OR2C1: variants seen among roughly 807,000 people sequenced by gnomAD.
The protein encoded by OR2C1 is olfactory receptor family 2 subfamily C member 1, also known as olfactory receptor 2C1.
For synonymous variants in OR2C1, 209 were observed against 167.3 expected (o/e 1.25, Z -1.92); for missense variants, 468 against 388.3 (o/e 1.21, Z -1.73).
chr16:3,352,455 T>C (rs558341948), upstream of OR2C1, among the ~76,000 whole-genome samples: 28 of 152,348 alleles, frequency 1.8e-4, no homozygotes, highest in East Asian at 5.2e-3. Flanking sequence ...TTAATGTTTT[T>C]AAATTTTAAT....
the OR2C1 span, among the ~76,000 whole-genome samples, chr16:3,345,763 C>T: frequency 2.7e-5 from 4 of 149,506 alleles, no homozygotes; most frequent in Non-Finnish European, 5.9e-5. Flanking sequence ...CTCTCGTTCT[C>T]TCTTTCTCTC....
the OR2C1 span, among the ~76,000 whole-genome samples, chr16:3,344,599 C>T: frequency 2.6e-5 from 4 of 152,012 alleles, no homozygotes; most frequent in East Asian, 1.9e-4. Context: ...TGGTGGCGGG[C>T]GCCTGTAGTC....
the OR2C1 span, among the ~76,000 whole-genome samples, chr16:3,342,953 G>A: frequency 3.3e-5 from 5 of 152,168 alleles, no homozygotes; most frequent in African/African-American, 1.2e-4. Context: ...GAATTATGCT[G>A]AGTGATAATA....
chr16:3,338,483 T>C, the OR2C1 span, among the ~76,000 whole-genome samples: 851 of 151,694 alleles, frequency 5.6e-3, 6 homozygotes, highest in African/African-American at 0.019. Context: ...TATGGAATTC[T>C]GATTCTCTTG....
chr16:3,356,648 G>T lies in OR2C1; in HGVS notation c.708G>T (p.Lys236Asn). ...LKIRSAEGRRKAFNTCLSHLL... is the reference protein window; with the variant it reads ...LKIRSAEGRRNAFNTCLSHLL... ...TCCGCTCTGCAGAGGGGAGGCGAAA[G>T]GCGTTCAATACGTGCCTCTCCCATC... The change falls in exon 1 of 1, where the codon AAG becomes AAT. Residue 236 changes from lysine to asparagine, a missense_variant. Physicochemically the swap from Lys to Asn is moderately conservative, Grantham distance 94. Transcript: ENST00000304936. The T allele has an allele frequency of 6.2e-7, 1 of 1,614,130 alleles. No homozygotes were observed. Among genetic ancestry groups the T allele is most frequent in the South Asian group, 1.1e-5 (1 of 91,080 alleles).
the OR2C1 span, among the ~76,000 whole-genome samples, chr16:3,331,032 A>G: frequency 1.2e-4 from 18 of 152,164 alleles, no homozygotes; most frequent in Admixed American, 2.6e-4. Context: ...ATTTCTCCAC[A>G]TCCTCTCCAG....
the OR2C1 span, among the ~76,000 whole-genome samples, chr16:3,334,208 G>A: frequency 6.0e-5 from 9 of 150,656 alleles, no homozygotes; most frequent in South Asian, 2.1e-4. Context: ...TGCAACTTCA[G>A]CTCACTGCAA....
chr16:3,355,686 A>G (rs1490476763), upstream of OR2C1, among the ~76,000 whole-genome samples: 1 of 151,434 alleles, frequency 6.6e-6, no homozygotes, highest in Non-Finnish European at 1.5e-5. Context: ...GGAGGCTGAG[A>G]CAAGAGGATT....
the OR2C1 span, among the ~76,000 whole-genome samples, chr16:3,329,946 G>C: frequency 1.3e-5 from 2 of 150,094 alleles, no homozygotes; most frequent in Non-Finnish European, 3.0e-5. Flanking sequence ...GTAGAGATGG[G>C]GTTTCACCAT....
At chr16:3,345,594 C>T in the OR2C1 span, among the ~76,000 whole-genome samples, 1 of 152,014 alleles carries the variant, frequency 6.6e-6, no homozygotes, top group Admixed American at 6.6e-5. Flanking sequence ...TGTTTGGATG[C>T]ACATATATGT....
At position 3,355,958 on chromosome 16, in the gene OR2C1, T is replaced by C. The variant is rs2030659467; in HGVS notation, c.18T>C (p.Asp6=). ...AACCAGTGATGGACGGGGTGAATGA[T>C]AGCTCCTTGCAGGGCTTTGTTCTGA... is the stretch of plus-strand genomic sequence containing the variant. The part of the protein sequence containing the change: MDGVN[D]SSLQGFVLMG... The change falls in exon 1 of 1, where the codon GAT becomes GAC. Residue 6 remains aspartate, a synonymous_variant. Transcript: ENST00000304936. 6 of 1,610,410 alleles carry C rather than the reference T, an allele frequency of 3.7e-6. No homozygotes were observed. In the African/African-American group the frequency reaches 5.3e-5, roughly 14 times the overall value.
chr16:3,352,734 CTTTCTT>C (rs2030591815), upstream of OR2C1, among the ~76,000 whole-genome samples: 1 of 98,222 alleles, frequency 1.0e-5, no homozygotes, highest in Non-Finnish European at 1.9e-5. Context: ...CTGTTTCTTT[CTTTCTT>C]TTTTTTTTTT....
chr16:3,328,015 T>C, the OR2C1 span, among the ~76,000 whole-genome samples: 2 of 152,236 alleles, frequency 1.3e-5, no homozygotes, highest in Non-Finnish European at 2.9e-5. Context: ...CAAAATTTAA[T>C]ATCCCTATTC....
the OR2C1 span, among the ~76,000 whole-genome samples, chr16:3,329,837 C>G: frequency 2.8e-5 from 4 of 141,136 alleles, no homozygotes; most frequent in East Asian, 4.1e-4. Flanking sequence ...TCACTGTAAC[C>G]TCTGCTTCCC....
At chr16:3,342,355 T>A in the OR2C1 span, among the ~76,000 whole-genome samples, 5 of 152,296 alleles carry the variant, frequency 3.3e-5, 1 homozygote. Context: ...AAGGTCAACA[T>A]AGACCAAATT....
In OR2C1 at chr16:3,356,711, T is replaced by G. The variant is rs1196427155; in HGVS notation, c.771T>G (p.Tyr257Ter). 3.1e-6 allele frequency: 5 copies of G among 1,614,186 alleles called. No individual in the cohort carries two copies. The South Asian group carries it at 5.5e-5, about 18-fold the overall frequency. Residue 257 changes from tyrosine (Y) to a stop codon, truncating the protein, a stop_gained, in exon 1 of 1, where the codon TAT (tyrosine) becomes TAG (stop). Transcript: ENST00000304936. LOFTEE classifies it low-confidence loss of function (END_TRUNC). ...VVFLFYGSASYGYLLPAKNSK... is the reference protein window; with the variant it reads ...VVFLFYGSAS ...TCCTCTTCTATGGCTCAGCCAGCTATGGGTATCTGCTTCCGGCCAAGAACA... is the reference window on the plus strand; with the variant it reads ...TCCTCTTCTATGGCTCAGCCAGCTAGGGGTATCTGCTTCCGGCCAAGAACA...
At chr16:3,350,055 C>CTTTTTT in the OR2C1 span, among the ~76,000 whole-genome samples, 18 of 102,742 alleles carry the variant, frequency 1.8e-4, no homozygotes, top group Non-Finnish European at 2.0e-4. Flanking sequence ...AAAAGGGAAT[C>CTTTTTT]TTTTTTTTTT....
At chr16:3,332,288 G>A in the OR2C1 span, among the ~76,000 whole-genome samples, 2 of 151,586 alleles carry the variant, frequency 1.3e-5, no homozygotes, top group South Asian at 4.2e-4. Context: ...TAGAGACAGG[G>A]TCTTGCCATA....
the OR2C1 span, among the ~76,000 whole-genome samples, chr16:3,343,953 T>C: frequency 1.3e-5 from 2 of 152,206 alleles, no homozygotes; most frequent in Non-Finnish European, 2.9e-5. Flanking sequence ...GCGCAATGGC[T>C]CATGCTTGTA....
Sources: gnomAD v4.1 joint callset for allele counts (sites outside exome capture counted in the v4.1 genomes callset) on GRCh38, gnomAD v4.1.1 for gene constraint, MANE v1.5 for transcripts, NCBI Gene and HGNC (gene_info 2026-07-23, HGNC 2026-07-21) for gene names.